The following MON2 variants were observed in gnomAD, a reference collection of about 807,000 sequenced individuals.
MON2 encodes the protein MON2 regulator of endosome-to-Golgi trafficking, also known as protein MON2 homolog.
In MON2, 84 loss-of-function variants were observed where a neutral mutation model predicts 208.6. That is an observed-to-expected ratio of 0.40 (90% CI 0.34 to 0.48). The LOEUF is 0.48. Among genes scored for constraint, MON2 ranks in the 20% least tolerant of loss-of-function variants. The pLI, the probability that MON2 is intolerant of heterozygous loss-of-function variation, is 0.59. For synonymous variants in MON2, 660 were observed against 694.0 expected, an observed-to-expected ratio of 0.95 and a Z score of 0.77; for missense variants, 1,611 against 2,015.4, an observed-to-expected ratio of 0.80 and a Z score of 3.84.
At chr12:62,509,439 A>G (rs940578708) in intron 8 of MON2, among the ~76,000 whole-genome samples, 1 of 152,190 alleles carries the variant, frequency 6.6e-6, no homozygotes, top group Non-Finnish European at 1.5e-5. Context: ...CAGACAATAT[A>G]ATAATAGTAG....
intron 2 of MON2, among the ~76,000 whole-genome samples, chr12:62,493,616 G>A (rs2070303567): frequency 6.6e-6 from 1 of 152,118 alleles, no homozygotes; most frequent in Non-Finnish European, 1.5e-5. Context: ...AGGTGGGAAA[G>A]AAGTTTTGAA....
intron 32 of MON2, among the ~76,000 whole-genome samples, chr12:62,584,007 A>G (rs1459707877): frequency 6.6e-6 from 1 of 151,524 alleles, no homozygotes; most frequent in African/African-American, 2.4e-5. Flanking sequence ...GAATTCTCAG[A>G]CGCAGTATTG....
chr12:62,511,212 C>T (rs2071380105), intron 8 of MON2, among the ~76,000 whole-genome samples: 1 of 152,142 alleles, frequency 6.6e-6, no homozygotes, highest in Non-Finnish European at 1.5e-5. Flanking sequence ...AATGCAGTTC[C>T]TATCAAAATT....
chr12:62,511,853 G>A (rs531264653), intron 8 of MON2, among the ~76,000 whole-genome samples: 20 of 152,272 alleles, frequency 1.3e-4, no homozygotes, highest in Admixed American at 1.2e-3. Flanking sequence ...AGACATACCC[G>A]AGACTGGGCA....
rs754165948 is a variant in MON2, at chr12:62,538,502, T to C, written c.2361T>C (p.Asn787=). The change falls in exon 19 of 35, where the codon AAT becomes AAC. Residue 787 remains asparagine, a synonymous_variant. Transcript: ENST00000393630. ...CAATGGATATGGCCTATGGAAATAA[T>C]AAGGTGTGATATTCTACCTTTCTGT... ...LEAMDMAYGN[N]KEPSLFAVAK... 3.6e-5 allele frequency: 56 copies of C among 1,576,712 alleles called. No homozygotes were observed. The highest frequency in any genetic ancestry group is 1.7e-4 in the Middle Eastern group (1 of 5,826).
intron 32 of MON2, among the ~76,000 whole-genome samples, chr12:62,585,065 GCACACACA>G (rs57834850): frequency 0.17 from 16,806 of 98,736 alleles, 1,453 homozygotes; most frequent in South Asian, 0.36. Flanking sequence ...CTCTCTACAT[GCACACACA>G]CACACACACA....
chr12:62,565,406 T>C, intron 27 of MON2, 26 bp downstream of exon 27: 1 of 1,562,326 alleles, frequency 6.4e-7, no homozygotes, highest in Non-Finnish European at 8.7e-7. Flanking sequence ...TTTTATTTAC[T>C]TTGTAAGATT....
intron 25 of MON2, chr12:62,560,076 A>G (rs929853444): frequency 2.6e-5 from 4 of 152,304 alleles, no homozygotes; most frequent in Middle Eastern, 3.4e-3. Flanking sequence ...GAAATGGTAT[A>G]AATATGTATA....
At chr12:62,559,760 G>A (rs1432476911) in intron 25 of MON2, 4 of 141,902 alleles carry the variant, frequency 2.8e-5, no homozygotes, top group Admixed American at 2.2e-4. Flanking sequence ...GTAACAGAGT[G>A]TGATACCATC....
chr12:62,530,334 C>A (rs1192434266), intron 11 of MON2, among the ~76,000 whole-genome samples: 1 of 151,362 alleles, frequency 6.6e-6, no homozygotes, highest in Non-Finnish European at 1.5e-5. Flanking sequence ...AGGTTCATGC[C>A]ATTCTCCTGC....
chr12:62,567,062 T>C (rs1186823730), intron 29 of MON2, among the ~76,000 whole-genome samples: 5 of 152,174 alleles, frequency 3.3e-5, no homozygotes, highest in African/African-American at 1.2e-4. Context: ...TTTTAGTATA[T>C]GGACAGCCAT....
chr12:62,553,440 TC>T (rs2073834290), intron 24 of MON2: 6 of 300,600 alleles, frequency 2.0e-5, no homozygotes, highest in Middle Eastern at 1.9e-3. Flanking sequence ...CTCCTTTTTT[TC>T]CCCCAGTTTT....
chr12:62,492,362 CTTTTT>C (rs67979134), intron 2 of MON2, among the ~76,000 whole-genome samples: 1 of 110,274 alleles, frequency 9.1e-6, no homozygotes, highest in Non-Finnish European at 1.8e-5. Flanking sequence ...AGAGTTAGTT[CTTTTT>C]TTTTTTTTTT....
rs894119610 is a variant in MON2 at position 62,537,990 on chromosome 12, G to A, written c.2119-106G>A. The stretch of plus-strand genomic sequence containing the variant: ...TTTTAGGTTTTAAAAACCTACTACT[G>A]ATTTTAATTTTGGTTGCTAGAAGTT... On this transcript the variant is annotated intron_variant, in intron 16 of 34. Transcript: ENST00000393630. 4.1e-6 allele frequency: 4 copies of A among 973,866 alleles called. No homozygotes were observed. In the African/African-American group the frequency reaches 6.6e-5, roughly 16 times the overall value. 60.3% of individuals were successfully genotyped at this position (973,866 alleles called of 1,614,324 possible).
At chr12:62,568,347 AT>A (rs1047826043) in intron 29 of MON2, among the ~76,000 whole-genome samples, 1 of 151,846 alleles carries the variant, frequency 6.6e-6, no homozygotes, top group Non-Finnish European at 1.5e-5. Flanking sequence ...GTGTATTTTT[AT>A]TTTTTTTAGA....
chr12:62,529,620 A>G (rs1592312177), intron 11 of MON2, among the ~76,000 whole-genome samples: 1 of 152,124 alleles, frequency 6.6e-6, no homozygotes, highest in Non-Finnish European at 1.5e-5. Context: ...TGGTTTCATT[A>G]TATTACAAAG....
intron 1 of MON2, among the ~76,000 whole-genome samples, chr12:62,473,093 A>G (rs539471611): frequency 6.6e-6 from 1 of 152,358 alleles, no homozygotes; most frequent in South Asian, 2.1e-4. Context: ...ACAGAAATTT[A>G]TGAGTCTCCT....
chr12:62,540,703 A>G (rs999298744), intron 19 of MON2, among the ~76,000 whole-genome samples: 4 of 152,206 alleles, frequency 2.6e-5, no homozygotes, highest in African/African-American at 9.6e-5. Context: ...ATGGATTTAC[A>G]TGTCTCCCTT....
rs2075550107 is a variant in MON2 at position 62,597,432 on chromosome 12, G to A, written c.*4683G>A. The A allele has an allele frequency of 6.6e-6, 1 of 152,120 alleles. No homozygotes were observed. Among genetic ancestry groups the A allele is most frequent in the African/African-American group, 2.4e-5 (1 of 41,424 alleles). 9.4% of individuals were successfully genotyped at this position (152,120 alleles called of 1,614,324 possible). A position where few individuals can be genotyped will look rare whatever the true frequency, so the allele number is the denominator to read the frequency against. Reference sequence around the variant, plus strand: ...CTCATGGTTCTACCACTACAAAGTGGAAAGTAGAAATACTTTGCACTTTGG... The same window carrying A: ...CTCATGGTTCTACCACTACAAAGTGAAAAGTAGAAATACTTTGCACTTTGG... On this transcript the variant is annotated 3_prime_UTR_variant, in exon 35 of 35. Transcript: ENST00000393630.
Sources: allele counts gnomAD v4.1 joint callset (sites outside exome capture counted in the v4.1 genomes callset), GRCh38; gene constraint gnomAD v4.1.1; transcripts MANE v1.5; gene names NCBI Gene and HGNC (gene_info 2026-07-23, HGNC 2026-07-21).